Variants in DAB1 observed in about 807,000 individuals in gnomAD.
DAB1 encodes the protein disabled homolog 1.
Under a neutral mutation model 64.6 loss-of-function variants are expected in DAB1, and 15 were observed. The observed-to-expected ratio is 0.23, with a 90% CI of 0.16 to 0.36. DAB1 has a LOEUF of 0.36. Among genes scored for constraint, DAB1 ranks in the 10% least tolerant of loss-of-function variants. The pLI is 1.00. For synonymous variants in DAB1, 235 were observed against 251.9 expected (o/e 0.93, Z 0.64); for missense variants, 596 against 706.7 (o/e 0.84, Z 1.78).
At chr1:57,422,916 C>A (rs548811148) in intron 1 of DAB1, among the ~76,000 whole-genome samples, 1 of 152,270 alleles carries the variant, frequency 6.6e-6, no homozygotes, top group South Asian at 2.1e-4. Context: ...ATGCGCCCTC[C>A]CACCAGGGGT....
intron 5 of DAB1, among the ~76,000 whole-genome samples, chr1:58,017,424 C>G (rs1402558286): frequency 1.3e-5 from 2 of 152,124 alleles, no homozygotes; most frequent in African/African-American, 4.8e-5. Flanking sequence ...GGGTCCTCAG[C>G]AAGATACTCT....
chr1:58,198,331 G>T (rs1045984252), intron 4 of DAB1, among the ~76,000 whole-genome samples: 1 of 152,244 alleles, frequency 6.6e-6, no homozygotes, highest in Non-Finnish European at 1.5e-5. Flanking sequence ...GAAGACATGG[G>T]TATAAGTCTT....
At chr1:57,984,801 G>A (rs1300261084) in intron 5 of DAB1, among the ~76,000 whole-genome samples, 2 of 152,062 alleles carry the variant, frequency 1.3e-5, no homozygotes, top group Admixed American at 6.6e-5. Context: ...AAATGCAGTC[G>A]TCCAACTTGG....
At chr1:57,024,658 A>T (rs1646728263) in intron 10 of DAB1, among the ~76,000 whole-genome samples, 1 of 152,158 alleles carries the variant, frequency 6.6e-6, no homozygotes, top group African/African-American at 2.4e-5. Context: ...AAACACAGTC[A>T]GTGCTGTTCT....
At chr1:57,779,680 C>T (rs1649974364) in intron 6 of DAB1, among the ~76,000 whole-genome samples, 1 of 152,208 alleles carries the variant, frequency 6.6e-6, no homozygotes, top group East Asian at 1.9e-4. Context: ...TATTCTCTGA[C>T]TGCCTACATC....
At chr1:57,866,942 C>A (rs1246888719) in intron 1 of DAB1, 1 of 152,156 alleles carries the variant, frequency 6.6e-6, no homozygotes, top group Non-Finnish European at 1.5e-5. Flanking sequence ...TGAAATAGCA[C>A]TGGACATGGT....
chr1:57,055,886 C>T (rs1649706767), intron 9 of DAB1, among the ~76,000 whole-genome samples: 1 of 152,130 alleles, frequency 6.6e-6, no homozygotes, highest in South Asian at 2.1e-4. Flanking sequence ...GAATCCTGCC[C>T]TCTAGGATCT....
At chr1:57,697,542 C>T (rs1453932889) in intron 6 of DAB1, among the ~76,000 whole-genome samples, 1 of 150,864 alleles carries the variant, frequency 6.6e-6, no homozygotes, top group African/African-American at 2.4e-5. Flanking sequence ...AGGTATCAGT[C>T]ATTGTAATTG....
At chr1:57,691,182 G>T (rs540837890) in intron 6 of DAB1, among the ~76,000 whole-genome samples, 28 of 152,204 alleles carry the variant, frequency 1.8e-4, no homozygotes, top group African/African-American at 5.8e-4. Context: ...ACCAATCAGT[G>T]CTCTGTGTCT....
intron 1 of DAB1, among the ~76,000 whole-genome samples, chr1:58,537,694 T>C (rs1646539055): frequency 2.0e-5 from 3 of 152,236 alleles, no homozygotes; most frequent in Admixed American, 1.3e-4. Context: ...ATTTTACAAA[T>C]TCTTAAAGTT....
At chr1:57,820,243 T>C (rs1232794128) in intron 6 of DAB1, among the ~76,000 whole-genome samples, 6 of 152,184 alleles carry the variant, frequency 3.9e-5, no homozygotes, top group Admixed American at 1.3e-4. Flanking sequence ...GTCAGGAGCT[T>C]CCCAAAGTTA....
chr1:57,350,489 GC>G (rs1257327748), intron 1 of DAB1, among the ~76,000 whole-genome samples: 1 of 152,130 alleles, frequency 6.6e-6, no homozygotes, highest in African/African-American at 2.4e-5. Flanking sequence ...ATCAGGAAAA[GC>G]ATATCCTGCT....
rs1558486825 is a variant in DAB1, at chr1:57,553,378, A to AAGAG, written n.625+96213_625+96214insCTCT. 8.4e-3 allele frequency among the ~76,000 whole-genome samples: 48 copies of AAGAG among 5,702 alleles called. No homozygotes were observed. The Non-Finnish European group carries it at 0.13, about 16-fold the overall frequency. The allele number at this position is 5,702 out of a possible 152,430, so 3.7% of individuals were successfully genotyped here. A position where few individuals can be genotyped will look rare whatever the true frequency, so the allele number is the denominator to read the frequency against. Reference sequence around the variant, plus strand: ...GAGAAAGAAAGAGAAGGAAGGAAGGAAGAAAGAGAAAGAAAGAAAGAAAGA... The same window carrying AAGAG: ...GAGAAAGAAAGAGAAGGAAGGAAGGAAGAGAGAAAGAGAAAGAAAGAAAGAAAGA... On this transcript the variant is annotated intron_variant and non_coding_transcript_variant, in intron 7 of 20. Coordinates refer to the DAB1 transcript ENST00000485760.
chr1:57,390,662 A>G (rs1682272626), intron 1 of DAB1, among the ~76,000 whole-genome samples: 1 of 152,236 alleles, frequency 6.6e-6, no homozygotes, highest in Non-Finnish European at 1.5e-5. Context: ...ATAAAGATGA[A>G]TTCAGCTTCC....
At chr1:57,922,845 CAAAAAAAAAAA>C (rs367897659) in intron 5 of DAB1, among the ~76,000 whole-genome samples, 1 of 45,010 alleles carries the variant, frequency 2.2e-5, no homozygotes, top group Non-Finnish European at 3.6e-5. Flanking sequence ...GACTCCATCT[CAAAAAAAAAAA>C]AAAAAAAAAA....
chr1:57,623,683 G>A (rs1357461896), intron 7 of DAB1, among the ~76,000 whole-genome samples: 1 of 152,136 alleles, frequency 6.6e-6, no homozygotes, highest in Non-Finnish European at 1.5e-5. Flanking sequence ...GGCTTCTGTG[G>A]CCGGTCTGCA....
chr1:58,506,696 TATA>T (rs900762144), intron 2 of DAB1, among the ~76,000 whole-genome samples: 3 of 152,180 alleles, frequency 2.0e-5, no homozygotes, highest in Non-Finnish European at 4.4e-5. Flanking sequence ...AGTTTTAAAA[TATA>T]ATGTTATTAA....
At chr1:58,324,411 A>T (rs2100488970) in intron 4 of DAB1, among the ~76,000 whole-genome samples, 1 of 152,294 alleles carries the variant, frequency 6.6e-6, no homozygotes, top group African/African-American at 2.4e-5. Flanking sequence ...TAGTTTTGAA[A>T]AAGCAGACCC....
intron 1 of DAB1, among the ~76,000 whole-genome samples, chr1:57,853,740 TAA>T (rs1223381241): frequency 8.5e-5 from 13 of 152,110 alleles, no homozygotes; most frequent in Admixed American, 5.9e-4. Flanking sequence ...AACAAGATAA[TAA>T]CCTCATCAAA....
Sources: allele counts gnomAD v4.1 joint callset (sites outside exome capture counted in the v4.1 genomes callset), GRCh38; gene constraint gnomAD v4.1.1; transcripts MANE v1.5; gene names NCBI Gene and HGNC (gene_info 2026-07-23, HGNC 2026-07-21).